The following PDE1A variants were observed in gnomAD, a reference collection of about 807,000 sequenced individuals.
The protein encoded by PDE1A is dual specificity calcium/calmodulin-dependent 3',5'-cyclic nucleotide phosphodiesterase 1A.
A neutral mutation model predicts 61.7 loss-of-function variants in PDE1A; 35 were observed. That is an observed-to-expected ratio of 0.57 (90% CI 0.43 to 0.75). PDE1A has a LOEUF of 0.75. Ranked by LOEUF, PDE1A falls within the 30% of genes least tolerant of loss-of-function variation. The pLI, the probability that PDE1A is intolerant of heterozygous loss-of-function variation, is 0.00. For missense variants in PDE1A, 597 were observed against 630.6 expected (o/e 0.95, Z 0.57); for synonymous variants, 232 against 213.2 (o/e 1.09, Z -0.77).
exon 15 of PDE1A, chr2:182,141,337 A>C (rs1690218414): frequency 6.6e-6 from 1 of 152,112 alleles, no homozygotes; most frequent in African/African-American, 2.4e-5. Flanking sequence ...CCATAAATAG[A>C]AATAAAAAGT....
chr2:182,564,074 T>C, the PDE1A span, among the ~76,000 whole-genome samples: 1 of 152,210 alleles, frequency 6.6e-6, no homozygotes, highest in East Asian at 1.9e-4. Context: ...AATATTGTTA[T>C]ATGTGAATTT....
intron 1 of PDE1A, among the ~76,000 whole-genome samples, chr2:182,296,144 G>T (rs977539929): frequency 1.3e-5 from 2 of 152,176 alleles, no homozygotes; most frequent in African/African-American, 4.8e-5. Context: ...ACGCATTAGA[G>T]TCCATGGAAT....
chr2:182,499,538 C>T (rs1337800000), intron 2 of PDE1A, among the ~76,000 whole-genome samples: 1 of 152,048 alleles, frequency 6.6e-6, no homozygotes, highest in Non-Finnish European at 1.5e-5. Flanking sequence ...GTTATTATCA[C>T]GAAATTCCCG....
chr2:182,406,016 G>A (rs1702277423), intron 1 of PDE1A, among the ~76,000 whole-genome samples: 1 of 151,500 alleles, frequency 6.6e-6, no homozygotes, highest in Non-Finnish European at 1.5e-5. Context: ...TTAGGTCAAA[G>A]AAATTTTACC....
intron 7 of PDE1A, 147 bp from the exon 8 acceptor site, chr2:182,206,212 T>C (rs1461243538): frequency 2.0e-6 from 1 of 506,992 alleles, no homozygotes; most frequent in Non-Finnish European, 3.3e-6. Flanking sequence ...GTTTCTTTTA[T>C]TTTTTACTGT....
chr2:182,344,767 CACAT>C (rs1440373640), intron 1 of PDE1A, among the ~76,000 whole-genome samples: 5 of 151,892 alleles, frequency 3.3e-5, no homozygotes, highest in Middle Eastern at 3.2e-3. Flanking sequence ...CACACACACA[CACAT>C]ACACAGTGTG....
At chr2:182,664,007 T>C in the PDE1A span, among the ~76,000 whole-genome samples, 1 of 152,240 alleles carries the variant, frequency 6.6e-6, no homozygotes, top group Admixed American at 6.5e-5. Context: ...ATATCCCAAA[T>C]GTATTTTTTA....
the PDE1A span, among the ~76,000 whole-genome samples, chr2:182,630,096 T>C: frequency 8.2e-4 from 125 of 152,296 alleles, no homozygotes; most frequent in Non-Finnish European, 1.6e-3. Flanking sequence ...TTGTCTATTA[T>C]AGTATTAATC....
At chr2:182,482,011 T>G (rs1559501823) in intron 2 of PDE1A, among the ~76,000 whole-genome samples, 1 of 151,946 alleles carries the variant, frequency 6.6e-6, no homozygotes, top group Admixed American at 6.6e-5. Flanking sequence ...ATCCCCTGAT[T>G]CTAACATATA....
chr2:182,287,587 C>T (rs534319722), intron 1 of PDE1A, among the ~76,000 whole-genome samples: 1 of 152,188 alleles, frequency 6.6e-6, no homozygotes, highest in South Asian at 2.1e-4. Context: ...TTTCTGTGCA[C>T]TAAGGTGGGA....
chr2:182,627,170 A>ATATAT, the PDE1A span, among the ~76,000 whole-genome samples: 7 of 16,234 alleles, frequency 4.3e-4, no homozygotes, highest in Non-Finnish European at 6.5e-4. Flanking sequence ...AATATAAATA[A>ATATAT]TATTTATATA....
At chr2:182,495,809 G>A (rs1304120585) in intron 2 of PDE1A, among the ~76,000 whole-genome samples, 2 of 152,034 alleles carry the variant, frequency 1.3e-5, no homozygotes, top group South Asian at 2.1e-4. Context: ...AAATCTCCTC[G>A]AGAGACAGAC....
intron 1 of PDE1A, among the ~76,000 whole-genome samples, chr2:182,300,783 G>A (rs542200490): frequency 7.9e-5 from 12 of 152,272 alleles, no homozygotes; most frequent in African/African-American, 2.6e-4. Context: ...AGGACAAGTT[G>A]TTTTTGTTTT....
the PDE1A span, among the ~76,000 whole-genome samples, chr2:182,531,578 TA>T: frequency 6.6e-6 from 1 of 152,140 alleles, no homozygotes; most frequent in East Asian, 1.9e-4. Flanking sequence ...TCCAAACACA[TA>T]AAGCAAAAAT....
chr2:182,419,923 A>G (rs940186560), intron 1 of PDE1A, among the ~76,000 whole-genome samples: 2 of 152,112 alleles, frequency 1.3e-5, no homozygotes, highest in African/African-American at 4.8e-5. Context: ...AAATACAAAG[A>G]TGAATTCAGT....
chr2:182,475,610 C>T (rs1174208859), intron 2 of PDE1A, among the ~76,000 whole-genome samples: 1 of 151,898 alleles, frequency 6.6e-6, no homozygotes, highest in Admixed American at 6.6e-5. Context: ...GAAATTATCT[C>T]TTAGGAAACA....
the PDE1A span, among the ~76,000 whole-genome samples, chr2:182,637,747 C>A: frequency 2.0e-5 from 3 of 151,926 alleles, no homozygotes; most frequent in Admixed American, 6.6e-5. Context: ...GTGATGAAAC[C>A]CCATCTCTAC....
intron 13 of PDE1A, among the ~76,000 whole-genome samples, chr2:182,169,891 G>GACACACACACAC (rs748862736): frequency 3.6e-5 from 5 of 140,042 alleles, no homozygotes; most frequent in African/African-American, 1.3e-4. Context: ...GTGGACAGGA[G>GACACACACACAC]ACACACACAC....
At chr2:182,361,806 G>C (rs1047723054) in intron 1 of PDE1A, among the ~76,000 whole-genome samples, 1 of 151,904 alleles carries the variant, frequency 6.6e-6, no homozygotes, top group African/African-American at 2.4e-5. Context: ...TTGGGAAAAG[G>C]CAGGTCAGGC....
Sources: gnomAD v4.1 joint callset for allele counts (sites outside exome capture counted in the v4.1 genomes callset) on GRCh38, gnomAD v4.1.1 for gene constraint, MANE v1.5 for transcripts, NCBI Gene and HGNC (gene_info 2026-07-23, HGNC 2026-07-21) for gene names.